ADGRL2: variants seen among roughly 807,000 people sequenced by gnomAD.
ADGRL2 encodes adhesion G protein-coupled receptor L2.
Under a neutral mutation model 157.4 loss-of-function variants are expected in ADGRL2, and 44 were observed. The ratio of observed to expected loss-of-function variants is 0.28; its 90% CI spans 0.22 to 0.36. The LOEUF is 0.36. Among genes scored for constraint, ADGRL2 ranks in the 10% least tolerant of loss-of-function variants. The pLI is 1.00. For missense variants in ADGRL2, 1,510 were observed against 1,768.9 expected, an observed-to-expected ratio of 0.85 and a Z score of 2.63; for synonymous variants, 585 against 624.7, an observed-to-expected ratio of 0.94 and a Z score of 0.95.
chr1:81,537,725 G>A (rs1270858158), intron 2 of ADGRL2, among the ~76,000 whole-genome samples: 2 of 143,470 alleles, frequency 1.4e-5, no homozygotes, highest in Non-Finnish European at 3.0e-5. Flanking sequence ...TTTAGATGGA[G>A]TTTCACTCTT....
At chr1:81,604,668 C>A (rs528336189) in intron 3 of ADGRL2, among the ~76,000 whole-genome samples, 1 of 152,218 alleles carries the variant, frequency 6.6e-6, no homozygotes, top group Admixed American at 6.5e-5. Flanking sequence ...GCCACCCTAC[C>A]AAGGGTATCC....
At chr1:81,565,579 T>C (rs887236343) in intron 2 of ADGRL2, among the ~76,000 whole-genome samples, 2 of 152,230 alleles carry the variant, frequency 1.3e-5, no homozygotes, top group Non-Finnish European at 2.9e-5. Context: ...TTCTGCCGCA[T>C]TGAAAACTTC....
At chr1:81,349,903 G>A (rs1220244137) in intron 1 of ADGRL2, among the ~76,000 whole-genome samples, 3 of 151,934 alleles carry the variant, frequency 2.0e-5, no homozygotes, top group Admixed American at 6.6e-5. Context: ...CTACAAACCT[G>A]CTTTAGACAC....
At chr1:81,612,858 T>A (rs1046239340) in intron 3 of ADGRL2, among the ~76,000 whole-genome samples, 1 of 152,120 alleles carries the variant, frequency 6.6e-6, no homozygotes, top group African/African-American at 2.4e-5. Flanking sequence ...AAAATCACAA[T>A]GAGCTATCAC....
chr1:81,351,476 T>G (rs532365831), intron 1 of ADGRL2, among the ~76,000 whole-genome samples: 51 of 152,110 alleles, frequency 3.4e-4, no homozygotes, highest in African/African-American at 1.2e-3. Context: ...GGATGATAAA[T>G]AAAATAAATT....
chr1:81,922,443 A>G (rs1167143947), intron 3 of ADGRL2, among the ~76,000 whole-genome samples: 1 of 152,164 alleles, frequency 6.6e-6, no homozygotes, highest in East Asian at 1.9e-4. Flanking sequence ...TTAAAAAACT[A>G]TTTTTAACTC....
chr1:81,944,277 CAT>C (rs1422829462), intron 6 of ADGRL2, among the ~76,000 whole-genome samples: 1 of 151,938 alleles, frequency 6.6e-6, no homozygotes, highest in African/African-American at 2.4e-5. Flanking sequence ...TGTAAAATTA[CAT>C]GTTTTTATTT....
At chr1:81,390,020 A>C (rs1190470253) in intron 1 of ADGRL2, among the ~76,000 whole-genome samples, 1 of 152,070 alleles carries the variant, frequency 6.6e-6, no homozygotes, top group African/African-American at 2.4e-5. Context: ...TAATGGTCTT[A>C]AATGTTCTAT....
At position 81,498,227 on chromosome 1, in the gene ADGRL2, G is replaced by T. The variant is rs540450634; in HGVS notation, c.-248+53138G>T. ...CTAGCAAGTATCGTGAAATTATCTT[G>T]TTATAAAGTTGGAATTCAAGGTAAG... On this transcript the variant is annotated intron_variant, in intron 2 of 24. Transcript: ENST00000370721. 4.6e-5 allele frequency among the ~76,000 whole-genome samples: 7 copies of T among 152,182 alleles called. No individual in the cohort carries two copies. The East Asian group carries it at 1.2e-3, about 25-fold the overall frequency.
chr1:81,700,886 C>T (rs2083556242), intron 1 of ADGRL2, among the ~76,000 whole-genome samples: 1 of 152,204 alleles, frequency 6.6e-6, no homozygotes, highest in Non-Finnish European at 1.5e-5. Context: ...AAGATATGAC[C>T]AGTTTGCAGT....
intron 1 of ADGRL2, among the ~76,000 whole-genome samples, chr1:81,374,030 A>G (rs1450606911): frequency 6.6e-6 from 1 of 152,226 alleles, no homozygotes; most frequent in East Asian, 1.9e-4. Flanking sequence ...GCAGCAATAG[A>G]TTTAACAGAA....
chr1:81,565,691 T>G (rs1399979103), intron 2 of ADGRL2, among the ~76,000 whole-genome samples: 1 of 152,160 alleles, frequency 6.6e-6, no homozygotes, highest in Non-Finnish European at 1.5e-5. Flanking sequence ...GAAAACATTT[T>G]CTCATATCAT....
At chr1:81,311,746 T>C (rs1437834587) in intron 1 of ADGRL2, among the ~76,000 whole-genome samples, 3 of 152,166 alleles carry the variant, frequency 2.0e-5, no homozygotes, top group Non-Finnish European at 4.4e-5. Flanking sequence ...ATTTTAAAAA[T>C]TGCAACAAGA....
At chr1:81,435,535 A>G (rs534341580) in intron 1 of ADGRL2, among the ~76,000 whole-genome samples, 3 of 152,334 alleles carry the variant, frequency 2.0e-5, no homozygotes, top group Non-Finnish European at 4.4e-5. Context: ...AGTGCTTAGT[A>G]TTTTTAAATA....
At chr1:81,652,466 A>G (rs548790850) in intron 3 of ADGRL2, among the ~76,000 whole-genome samples, 1 of 152,334 alleles carries the variant, frequency 6.6e-6, no homozygotes, top group Admixed American at 6.5e-5. Context: ...AGAATAAACA[A>G]TACAGAAGAA....
At chr1:81,632,772 C>A (rs2082038330) in intron 3 of ADGRL2, among the ~76,000 whole-genome samples, 1 of 148,028 alleles carries the variant, frequency 6.8e-6, no homozygotes, top group Admixed American at 6.8e-5. Context: ...AAAAAAAAGT[C>A]ATTGTGGGCA....
intron 2 of ADGRL2, among the ~76,000 whole-genome samples, chr1:81,861,793 A>C (rs2093397346): frequency 6.6e-6 from 1 of 152,080 alleles, no homozygotes; most frequent in African/African-American, 2.4e-5. Context: ...AGGCTGAGGC[A>C]GGAGAATTGA....
chr1:81,461,933 G>A (rs958938500), intron 2 of ADGRL2, among the ~76,000 whole-genome samples: 1 of 121,826 alleles, frequency 8.2e-6, no homozygotes, highest in South Asian at 3.1e-4. Flanking sequence ...AGAAGAAAGG[G>A]GGGGGGGGGT....
chr1:81,641,072 C>A (rs936655033), intron 3 of ADGRL2, among the ~76,000 whole-genome samples: 1 of 152,230 alleles, frequency 6.6e-6, no homozygotes, highest in African/African-American at 2.4e-5. Flanking sequence ...AGCTTTTCTT[C>A]TCAGCTCATT....
Sources: allele counts gnomAD v4.1 joint callset (sites outside exome capture counted in the v4.1 genomes callset), GRCh38; gene constraint gnomAD v4.1.1; transcripts MANE v1.5; gene names NCBI Gene and HGNC (gene_info 2026-07-23, HGNC 2026-07-21).